CENPE: variants seen among roughly 807,000 people sequenced by gnomAD.
CENPE encodes the protein centromere protein E.
Under a neutral mutation model 336.1 loss-of-function variants are expected in CENPE, and 145 were observed. The observed-to-expected ratio is 0.43, with a 90% confidence interval of 0.38 to 0.50. The LOEUF (loss-of-function observed/expected upper bound fraction) is 0.50, where lower values mean the gene tolerates loss of function less well. CENPE is among the 20% of genes least tolerant of loss of function. The probability of loss-of-function intolerance (pLI) is 0.00; values close to 1 mark genes in which losing one functional copy is unlikely to be tolerated. For synonymous variants in CENPE, 1,013 were observed against 984.8 expected, an observed-to-expected ratio of 1.03 and a Z score of -0.54; for missense variants, 2,719 against 3,023.3, an observed-to-expected ratio of 0.90 and a Z score of 2.36.
chr4:103,171,178 C>T (rs1365262835), intron 16 of CENPE, among the ~76,000 whole-genome samples: 1 of 151,998 alleles, frequency 6.6e-6, no homozygotes, highest in African/African-American at 2.4e-5. Context: ...CCAAAGAGAC[C>T]TAACAGATGT....
chr4:103,118,808 A>C (rs535894672), intron 44 of CENPE, among the ~76,000 whole-genome samples: 1 of 152,308 alleles, frequency 6.6e-6, no homozygotes, highest in East Asian at 1.9e-4. Context: ...CTTTGTTTCC[A>C]TCTCTCCCAG....
At position 103,149,262 on chromosome 4, in the gene CENPE, CCTCT is replaced by C; in HGVS notation, c.3539_3542del (p.Glu1180GlyfsTer15). ...CATTAAGTTTCTGAGCCAACTCAAG[CCTCT>C]CTGTTTCCATATGTTCCAATGTCAA... On this transcript the variant is annotated frameshift_variant, in exon 27 of 49. Transcript: ENST00000265148. LOFTEE classifies it high-confidence loss of function. 1 of 1,613,090 alleles carries C rather than the reference CCTCT, an allele frequency of 6.2e-7. No homozygotes were observed. Among genetic ancestry groups the C allele is most frequent in the Non-Finnish European group, 8.5e-7 (1 of 1,179,842 alleles).
In CENPE at chr4:103,159,181, C is replaced by T. The variant is rs757544155; in HGVS notation, c.2430G>A (p.Ser810=). ...KTKDDLATTQ[S]NYKSTDQEFQ... ...ATTCTTGATCAGTGCTTTTATAATT[C>T]GACTGTGTAGTTGCTAGGTCATCTT... Residue 810 remains serine (S), a synonymous_variant, in exon 22 of 49, where the codon TCG becomes TCA. Coordinates refer to ENST00000265148, the MANE Select transcript of CENPE (RefSeq NM_001813.3). 2.4e-5 allele frequency: 38 copies of T among 1,612,594 alleles called. No individual in the cohort carries two copies. The highest frequency in any genetic ancestry group is 1.7e-4 in the Middle Eastern group (1 of 6,046).
intron 46 of CENPE, among the ~76,000 whole-genome samples, chr4:103,111,885 A>G (rs2125835131): frequency 6.6e-6 from 1 of 152,218 alleles, no homozygotes; most frequent in South Asian, 2.1e-4. Context: ...GGACTATAAT[A>G]CAAGCAAATA....
At chr4:103,191,497 A>T (rs1324848738) in intron 8 of CENPE, among the ~76,000 whole-genome samples, 1 of 152,178 alleles carries the variant, frequency 6.6e-6, no homozygotes. Flanking sequence ...TGTCCTTTGT[A>T]GGGACATGGA....
chr4:103,185,759 C>A, intron 9 of CENPE, 51 bp downstream of exon 9: 3 of 1,296,940 alleles, frequency 2.3e-6, no homozygotes, highest in African/African-American at 1.5e-5. Flanking sequence ...CTTTTTAAAC[C>A]TGTAAAATAG....
rs747843126 is a variant in CENPE, at chr4:103,132,960, T to TTATATATAATATATATATA, written c.6721-65_6721-64insTATATATATATTATATATA. 165 of 148,204 alleles carry TTATATATAATATATATATA rather than the reference T, an allele frequency of 1.1e-3. 2 individuals carry two copies. The highest frequency in any genetic ancestry group is 5.4e-3 in the African/African-American group (151 of 27,770). The allele number at this position is 148,204 out of a possible 1,614,324, so 9.2% of individuals were successfully genotyped here. A position where few individuals can be genotyped will look rare whatever the true frequency, so the allele number is the denominator to read the frequency against. On this transcript the variant is annotated intron_variant, in intron 41 of 48. Coordinates refer to ENST00000265148, the MANE Select transcript of CENPE (RefSeq NM_001813.3). ...GAAAGTTTTGATCCAAATATTTTATTTATATATATATATATATATATATAA... is the reference window on the plus strand; with the variant it reads ...GAAAGTTTTGATCCAAATATTTTATTTATATATAATATATATATATATATATATATATATATATATATAA...
chr4:103,115,907 AT>A (rs1750063488), intron 45 of CENPE, among the ~76,000 whole-genome samples: 1 of 151,708 alleles, frequency 6.6e-6, no homozygotes, highest in Non-Finnish European at 1.5e-5. Flanking sequence ...TTTTTTTGGT[AT>A]TTTTAGTAGA....
At chr4:103,155,397 C>A (rs1753883741) in intron 24 of CENPE, among the ~76,000 whole-genome samples, 1 of 152,128 alleles carries the variant, frequency 6.6e-6, no homozygotes. Context: ...GCAGCCTCAA[C>A]CTTCCTGGGC....
At chr4:103,113,189 C>G (rs867595822) in intron 46 of CENPE, among the ~76,000 whole-genome samples, 1 of 91,982 alleles carries the variant, frequency 1.1e-5, no homozygotes, top group Non-Finnish European at 2.3e-5. Context: ...TGTATATATA[C>G]TTATAAGTAT....
intron 11 of CENPE, among the ~76,000 whole-genome samples, chr4:103,182,361 G>C (rs1756396531): frequency 6.6e-6 from 1 of 152,114 alleles, no homozygotes; most frequent in Admixed American, 6.5e-5. Context: ...GAAAATGAAG[G>C]CAACAGTTAA....
chr4:103,128,465 T>C (rs1401256109), intron 42 of CENPE, among the ~76,000 whole-genome samples: 1 of 152,166 alleles, frequency 6.6e-6, no homozygotes, highest in Admixed American at 6.5e-5. Context: ...CAGCATATTA[T>C]ATATTCTTCT....
chr4:103,196,526 G>C (rs1392602969), intron 2 of CENPE, among the ~76,000 whole-genome samples: 2 of 152,096 alleles, frequency 1.3e-5, no homozygotes, highest in Non-Finnish European at 2.9e-5. Flanking sequence ...TTGCACATGG[G>C]GGTCTGGAAT....
rs1250455079 is a variant in CENPE, at chr4:103,110,899, C to T, written c.7653G>A (p.Arg2551=). The T allele has an allele frequency of 9.3e-6, 15 of 1,610,270 alleles. No individual in the cohort carries two copies. The highest frequency in any genetic ancestry group is 1.3e-5 in the Non-Finnish European group (15 of 1,178,262). Residue 2551 remains arginine (R), a synonymous_variant, in exon 47 of 49, where the codon AGG becomes AGA. Transcript: ENST00000265148. ...KALILKSEHI[R]LEKEISKLKQ... ...TTAACTTAGAAATTTCTTTTTCTAGCCTTATATGTTCACTTTTCAAAATAA... is the reference window on the plus strand; with the variant it reads ...TTAACTTAGAAATTTCTTTTTCTAGTCTTATATGTTCACTTTTCAAAATAA...
Position 103,140,005 on chromosome 4 carries a change from A to G in CENPE, c.5988T>C (p.Ile1996=), listed in dbSNP as rs765787732. Residue 1996 remains isoleucine (I), a synonymous_variant, in exon 38 of 49, where the codon ATT becomes ATC. Coordinates refer to ENST00000265148, the MANE Select transcript of CENPE (RefSeq NM_001813.3). ...GCTTCTTCAACTGTTCCATTTCATT[A>G]ATTTTTTTATGACTCATATTGACAT... ...KEDVNMSHKK[I]NEMEQLKKQF... 1.2e-6 allele frequency: 2 copies of G among 1,612,716 alleles called. No homozygotes were observed. Among genetic ancestry groups the G allele is most frequent in the Non-Finnish European group, 1.7e-6 (2 of 1,179,220 alleles).
In CENPE at chr4:103,136,364, A is replaced by G; in HGVS notation, c.6304-5T>C. The G allele has an allele frequency of 6.3e-7, 1 of 1,585,162 alleles. No homozygotes were observed. On this transcript the variant is annotated splice_polypyrimidine_tract_variant and splice_region_variant and intron_variant, in intron 39 of 48. Coordinates refer to ENST00000265148, the MANE Select transcript of CENPE (RefSeq NM_001813.3). ...TGAGTATCTCTTCAAAAGCTCCTAAAGGAAATGAGAATTCACTCAATTTAT... is the reference window on the plus strand; with the variant it reads ...TGAGTATCTCTTCAAAAGCTCCTAAGGGAAATGAGAATTCACTCAATTTAT...
chr4:103,113,651 C>A (rs1749807509), intron 46 of CENPE, among the ~76,000 whole-genome samples: 1 of 143,076 alleles, frequency 7.0e-6, no homozygotes, highest in Non-Finnish European at 1.5e-5. Flanking sequence ...TACACTTATA[C>A]TATATATACT....
chr4:103,143,458 T>C (rs775968850), intron 33 of CENPE, 52 bp from the exon 34 acceptor site: 9 of 1,233,920 alleles, frequency 7.3e-6, no homozygotes, highest in South Asian at 6.3e-5. Context: ...ACCATCCACA[T>C]GCTATAGAAA....
chr4:103,196,787 T>C lies in CENPE; in HGVS notation c.120A>G (p.Gln40=). ...YWKTDNNVIY[Q]VDGSKSFNFD... ...AATTGAAGGATTTACTTCCATCAAC[T>C]TGATAAATGACATTATTGTCAGTTT... The change falls in exon 2 of 49, where the codon CAA becomes CAG. Residue 40 remains glutamine, a synonymous_variant. Transcript: ENST00000265148. The C allele has an allele frequency of 6.3e-7, 1 of 1,590,978 alleles. No homozygotes were observed. The highest frequency in any genetic ancestry group is 8.6e-7 in the Non-Finnish European group (1 of 1,161,358).
Sources: gnomAD v4.1 joint callset for allele counts (sites outside exome capture counted in the v4.1 genomes callset) on GRCh38, gnomAD v4.1.1 for gene constraint, MANE v1.5 for transcripts, NCBI Gene and HGNC (gene_info 2026-07-23, HGNC 2026-07-21) for gene names.